TRDN: variants seen among roughly 807,000 people sequenced by gnomAD.
The protein encoded by TRDN is triadin in skeletal muscle.
TRDN carries 161 observed loss-of-function variants against 149.7 expected under a neutral mutation model. The observed-to-expected ratio is 1.08, with a 90% CI of 0.95 to 1.23. The LOEUF is 1.23. TRDN is among the 50% of genes most tolerant of loss of function. The pLI is 0.00. For synonymous variants in TRDN, 294 were observed against 250.5 expected, an observed-to-expected ratio of 1.17 and a Z score of -1.64; for missense variants, 896 against 823.5, an observed-to-expected ratio of 1.09 and a Z score of -1.08.
In TRDN at chr6:123,447,768, T is replaced by G. The variant is rs1380774093; in HGVS notation, c.932-8765A>C. Among the ~76,000 whole-genome samples, 4 of 149,814 alleles carry G rather than the reference T, an allele frequency of 2.7e-5. No individual in the cohort carries two copies. The East Asian group carries it at 7.8e-4, about 29-fold the overall frequency. The stretch of plus-strand genomic sequence containing the variant: ...AGTCTGGGCCACAGAGTGAGATCAG[T>G]TTCAAAAAAAAAAAAAAAAGGTCGT... On this transcript the variant is annotated intron_variant, in intron 10 of 40. Transcript: ENST00000334268.
intron 6 of TRDN, among the ~76,000 whole-genome samples, chr6:123,513,220 A>G (rs577217288): frequency 6.6e-6 from 1 of 152,276 alleles, no homozygotes; most frequent in African/African-American, 2.4e-5. Context: ...TAGATTAGAC[A>G]ATGTTAACAA....
At chr6:123,333,286 T>A (rs566159081) in intron 22 of TRDN, among the ~76,000 whole-genome samples, 2 of 152,038 alleles carry the variant, frequency 1.3e-5, no homozygotes, top group Admixed American at 1.3e-4. Context: ...TTGATCTAAA[T>A]GGGTGAGTGT....
At chr6:123,255,499 G>A (rs527237855) in intron 36 of TRDN, among the ~76,000 whole-genome samples, 11 of 152,214 alleles carry the variant, frequency 7.2e-5, no homozygotes, top group African/African-American at 2.4e-4. Flanking sequence ...ACCTTTGTAA[G>A]CTTTATGATA....
chr6:123,615,842 A>T (rs1384233643), intron 1 of TRDN, among the ~76,000 whole-genome samples: 1 of 152,152 alleles, frequency 6.6e-6, no homozygotes, highest in African/African-American at 2.4e-5. Flanking sequence ...CAGCATTGTA[A>T]AGTGACTATA....
intron 9 of TRDN, among the ~76,000 whole-genome samples, chr6:123,481,668 C>A (rs571859168): frequency 1.3e-5 from 2 of 152,214 alleles, no homozygotes; most frequent in Admixed American, 6.5e-5. Flanking sequence ...CAGTACCACA[C>A]GTGTTACATC....
intron 20 of TRDN, among the ~76,000 whole-genome samples, chr6:123,353,468 GTAT>G (rs965646669): frequency 6.6e-6 from 1 of 151,794 alleles, no homozygotes; most frequent in Non-Finnish European, 1.5e-5. Context: ...CATCTCTAAA[GTAT>G]TATTTCCAAG....
At chr6:123,561,032 AT>A (rs1781964821) in intron 2 of TRDN, among the ~76,000 whole-genome samples, 1 of 152,138 alleles carries the variant, frequency 6.6e-6, no homozygotes, top group Non-Finnish European at 1.5e-5. Context: ...CTTTACTCAC[AT>A]GCCCCGAGTC....
intron 27 of TRDN, among the ~76,000 whole-genome samples, chr6:123,273,565 T>C (rs1777274851): frequency 6.6e-6 from 1 of 151,980 alleles, no homozygotes; most frequent in Non-Finnish European, 1.5e-5. Context: ...AGCAGATAAA[T>C]ATAATCAGGA....
chr6:123,628,749 A>G (rs912583795), intron 1 of TRDN, among the ~76,000 whole-genome samples: 1 of 152,096 alleles, frequency 6.6e-6, no homozygotes, highest in Non-Finnish European at 1.5e-5. Context: ...TTGTTTTGCA[A>G]TGTAGCAGGG....
Position 123,304,508 on chromosome 6 carries a change from T to C in TRDN, c.1510+11949A>G, listed in dbSNP as rs540312687. 3.3e-5 allele frequency among the ~76,000 whole-genome samples: 5 copies of C among 152,200 alleles called. No homozygotes were observed. In the South Asian group the frequency reaches 1.0e-3, roughly 32 times the overall value. ...ACCTCATGATCCGCCAGCCTCGGCCTCCCAAAGTGCTGGGATTAAAGGCGT... is the reference window on the plus strand; with the variant it reads ...ACCTCATGATCCGCCAGCCTCGGCCCCCCAAAGTGCTGGGATTAAAGGCGT... On this transcript the variant is annotated intron_variant, in intron 24 of 40. Coordinates refer to ENST00000334268, the MANE Select transcript of TRDN (RefSeq NM_006073.4).
intron 24 of TRDN, among the ~76,000 whole-genome samples, chr6:123,289,531 A>G (rs973671133): frequency 3.3e-5 from 5 of 152,126 alleles, no homozygotes; most frequent in Admixed American, 2.6e-4. Flanking sequence ...CAGTGAAAGC[A>G]GCTTTCAATC....
chr6:123,235,789 T>A (rs1255111929), intron 38 of TRDN, among the ~76,000 whole-genome samples: 1 of 152,152 alleles, frequency 6.6e-6, no homozygotes, highest in Non-Finnish European at 1.5e-5. Context: ...CTCATATGCA[T>A]GAAAACTTCC....
intron 12 of TRDN, chr6:123,411,661 T>G (rs937952937): frequency 6.6e-6 from 1 of 152,224 alleles, no homozygotes; most frequent in Non-Finnish European, 1.5e-5. Context: ...TAATCTGTAT[T>G]TATTAATATT....
At chr6:123,266,932 C>T (rs1388132350) in intron 32 of TRDN, among the ~76,000 whole-genome samples, 1 of 146,582 alleles carries the variant, frequency 6.8e-6, no homozygotes, top group Middle Eastern at 3.3e-3. Context: ...CACAGTGAAT[C>T]CCTTCTCTAC....
At chr6:123,329,698 C>A (rs1399154548) in intron 23 of TRDN, among the ~76,000 whole-genome samples, 1 of 151,974 alleles carries the variant, frequency 6.6e-6, no homozygotes, top group Admixed American at 6.6e-5. Flanking sequence ...TTTAAAGCAC[C>A]ATTAATATTC....
chr6:123,330,061 G>A (rs944651309), intron 23 of TRDN, among the ~76,000 whole-genome samples: 3 of 152,024 alleles, frequency 2.0e-5, no homozygotes, highest in Non-Finnish European at 4.4e-5. Context: ...ATTATGGAAA[G>A]AAGATACTTG....
At chr6:123,455,994 GA>G (rs1192282637) in intron 10 of TRDN, among the ~76,000 whole-genome samples, 1 of 152,020 alleles carries the variant, frequency 6.6e-6, no homozygotes, top group African/African-American at 2.4e-5. Context: ...ATCAGTACAA[GA>G]AAAAGTTGGT....
At chr6:123,604,789 A>T (rs1784448922) in intron 1 of TRDN, among the ~76,000 whole-genome samples, 1 of 151,648 alleles carries the variant, frequency 6.6e-6, no homozygotes, top group Non-Finnish European at 1.5e-5. Flanking sequence ...AAGGTCAATG[A>T]TTTGATTATT....
In TRDN at chr6:123,352,536, T is replaced by TA. The variant is rs1780505213; in HGVS notation, c.1369+2dup. On this transcript the variant is annotated splice_region_variant and intron_variant, in intron 21 of 40. Coordinates refer to ENST00000334268, the MANE Select transcript of TRDN (RefSeq NM_006073.4). ...AATGTCAACCTCCTTCATTTTTTTT[T>TA]ACCTTGCTCCACTGTCTTGGTTGTT... The TA allele has an allele frequency of 1.2e-6, 2 of 1,610,158 alleles. No homozygotes were observed. Among genetic ancestry groups the TA allele is most frequent in the East Asian group, 4.5e-5 (2 of 44,768 alleles).
Sources: allele counts gnomAD v4.1 joint callset (sites outside exome capture counted in the v4.1 genomes callset), GRCh38; gene constraint gnomAD v4.1.1; transcripts MANE v1.5; gene names NCBI Gene and HGNC (gene_info 2026-07-23, HGNC 2026-07-21).